ITPR1: variants seen among roughly 807,000 people sequenced by gnomAD.
ITPR1 encodes the protein inositol 1,4,5-trisphosphate receptor type 1.
ITPR1 carries 96 observed loss-of-function variants against 318.4 expected under a neutral mutation model. That is an observed-to-expected ratio of 0.30 (90% CI 0.26 to 0.36). The LOEUF is 0.36. Among genes scored for constraint, ITPR1 ranks in the 10% least tolerant of loss-of-function variants. The pLI is 1.00. For missense variants in ITPR1, 2,440 were observed against 3,460.2 expected (o/e 0.71, Z 7.40); for synonymous variants, 1,312 against 1,289.9 (o/e 1.02, Z -0.37).
At chr3:4,542,456 A>G (rs1351849758) in intron 4 of ITPR1, among the ~76,000 whole-genome samples, 1 of 152,162 alleles carries the variant, frequency 6.6e-6, no homozygotes, top group Non-Finnish European at 1.5e-5. Context: ...GAAAATTTTA[A>G]AATTTTGTTT....
rs764083385 is a variant in ITPR1 at position 4,645,701 on chromosome 3, C to A, written c.828C>A (p.Thr276=). Reference sequence around the variant, plus strand: ...GCCGGCAGTCGGCCACATCTGCCACCAGTTCAAAAGCCCTGTGGGAGGTGG... The same window carrying A: ...GCCGGCAGTCGGCCACATCTGCCACAAGTTCAAAAGCCCTGTGGGAGGTGG... ...TTGRQSATSA[T]SSKALWEVEV... is the part of the protein sequence containing the mutation. Residue 276 remains threonine, a synonymous_variant, in exon 10 of 62, where the codon ACC becomes ACA. Transcript: ENST00000649015. The A allele has an allele frequency of 6.2e-7, 1 of 1,613,380 alleles. No homozygotes were observed. The highest frequency in any genetic ancestry group is 1.7e-5 in the Admixed American group (1 of 59,980).
At chr3:4,499,723 A>G (rs866756630) in intron 2 of ITPR1, among the ~76,000 whole-genome samples, 4 of 152,280 alleles carry the variant, frequency 2.6e-5, no homozygotes, top group Non-Finnish European at 5.9e-5. Flanking sequence ...CATCAGTGCA[A>G]TGTGGTTTAA....
At chr3:4,650,693 G>A (rs1222241545) in intron 10 of ITPR1, among the ~76,000 whole-genome samples, 1 of 149,830 alleles carries the variant, frequency 6.7e-6, no homozygotes, top group Non-Finnish European at 1.5e-5. Context: ...AGTTCATTGA[G>A]TTTCTTGAAT....
chr3:4,638,237 G>A (rs1352949813), intron 5 of ITPR1, among the ~76,000 whole-genome samples: 5 of 152,202 alleles, frequency 3.3e-5, no homozygotes, highest in Non-Finnish European at 7.4e-5. Context: ...CCCTTCTGAA[G>A]AACACTCTTA....
rs1575923500 is a variant in ITPR1, at chr3:4,653,890, A to T, written c.996+4A>T. 1 of 1,604,544 alleles carries T rather than the reference A, an allele frequency of 6.2e-7. No homozygotes were observed. Among genetic ancestry groups the T allele is most frequent in the Non-Finnish European group, 8.5e-7 (1 of 1,172,470 alleles). On this transcript the variant is annotated splice_donor_region_variant and intron_variant, in intron 12 of 61. Coordinates refer to ENST00000649015, the MANE Select transcript of ITPR1 (RefSeq NM_001378452.1). Reference sequence around the variant, plus strand: ...ATGCCTGGAGTTTCAGCCCTCAGTAAGTATGGACAAGAGCCTTCTTGTCTT... The same window carrying T: ...ATGCCTGGAGTTTCAGCCCTCAGTATGTATGGACAAGAGCCTTCTTGTCTT...
intron 2 of ITPR1, among the ~76,000 whole-genome samples, chr3:4,506,866 G>C (rs1485297106): frequency 6.6e-6 from 1 of 152,192 alleles, no homozygotes. Context: ...TATGGCAGCA[G>C]TTTTCAAACT....
At chr3:4,823,973 G>A (rs1206256289) in intron 60 of ITPR1, among the ~76,000 whole-genome samples, 1 of 152,036 alleles carries the variant, frequency 6.6e-6, no homozygotes, top group Non-Finnish European at 1.5e-5. Context: ...TTATATTTTC[G>A]GAGGTGTGTT....
At position 4,744,037 on chromosome 3, in the gene ITPR1, T is replaced by C. The variant is rs889419373; in HGVS notation, c.5544+8683T>C. 3.3e-5 allele frequency among the ~76,000 whole-genome samples: 5 copies of C among 152,262 alleles called. No individual in the cohort carries two copies. The South Asian group carries it at 1.0e-3, about 32-fold the overall frequency. On this transcript the variant is annotated intron_variant, in intron 44 of 61. Coordinates refer to ENST00000649015, the MANE Select transcript of ITPR1 (RefSeq NM_001378452.1). The stretch of plus-strand genomic sequence containing the variant: ...TTTTAGTAGAGACGGGGTTTCTACA[T>C]GTTGGCCAGGCTGGTCTTGAGCTCC...
chr3:4,732,290 A>G (rs912097190), intron 42 of ITPR1, among the ~76,000 whole-genome samples: 1 of 152,184 alleles, frequency 6.6e-6, no homozygotes, highest in Non-Finnish European at 1.5e-5. Context: ...TTTTTAAAAA[A>G]TTTTATTACA....
At position 4,784,099 on chromosome 3, in the gene ITPR1, T is replaced by A. The variant is rs73003088; in HGVS notation, c.6615+179T>A. On this transcript the variant is annotated intron_variant, in intron 51 of 61. Transcript: ENST00000649015. ...TGGCCAAGACAGTCATTATTGCTGC[T>A]TGTGGTCCGGTGGGGAAGAGGACAC... is the stretch of plus-strand genomic sequence containing the variant. 0.12 allele frequency among the ~76,000 whole-genome samples: 18,648 copies of A among 152,106 alleles called. 1,232 individuals are homozygous for A. Among genetic ancestry groups the A allele is most frequent in the Non-Finnish European group, 0.16 (11,032 of 68,004 alleles).
Position 4,667,427 on chromosome 3 carries a change from T to A in ITPR1, c.1764T>A (p.Asp588Glu). 6.2e-7 allele frequency: 1 copy of A among 1,613,298 alleles called. No individual in the cohort carries two copies. The highest frequency in any genetic ancestry group is 8.5e-7 in the Non-Finnish European group (1 of 1,179,626). ...FGFMQKQIGY[D>E]VLAEDTITAL... ...TCATGCAGAAGCAGATTGGCTATGATGTGTTGGCTGAAGACACTATCACTG... is the reference window on the plus strand; with the variant it reads ...TCATGCAGAAGCAGATTGGCTATGAAGTGTTGGCTGAAGACACTATCACTG... The change falls in exon 18 of 62, where the codon GAT becomes GAA. Residue 588 changes from aspartate to glutamate, a missense_variant. Physicochemically the swap from Asp to Glu is conservative, Grantham distance 45. Coordinates refer to ENST00000649015, the MANE Select transcript of ITPR1 (RefSeq NM_001378452.1).
At chr3:4,731,000 A>G (rs1202193685) in intron 42 of ITPR1, among the ~76,000 whole-genome samples, 4 of 152,216 alleles carry the variant, frequency 2.6e-5, no homozygotes, top group Admixed American at 6.5e-5. Flanking sequence ...TCAGCTGCCA[A>G]TCACTCCTGT....
intron 4 of ITPR1, among the ~76,000 whole-genome samples, chr3:4,621,946 G>T (rs1279391319): frequency 6.6e-6 from 1 of 151,990 alleles, no homozygotes; most frequent in Non-Finnish European, 1.5e-5. Context: ...CAGCCCTAGT[G>T]CATCCATAGA....
chr3:4,755,485 C>T (rs1289908126), intron 44 of ITPR1, among the ~76,000 whole-genome samples: 2 of 151,738 alleles, frequency 1.3e-5, no homozygotes, highest in Non-Finnish European at 2.9e-5. Context: ...GCAGTCCTTC[C>T]ACCTTGGCCT....
At chr3:4,787,181 G>A (rs1471037473) in intron 51 of ITPR1, among the ~76,000 whole-genome samples, 1 of 151,962 alleles carries the variant, frequency 6.6e-6, no homozygotes, top group African/African-American at 2.4e-5. Context: ...GATAGCACCA[G>A]CCTCATGTGA....
At chr3:4,579,648 C>T (rs1046530113) in intron 4 of ITPR1, among the ~76,000 whole-genome samples, 1 of 152,156 alleles carries the variant, frequency 6.6e-6, no homozygotes, top group African/African-American at 2.4e-5. Context: ...ATCTTGCTTC[C>T]TTTCCGTAGG....
intron 30 of ITPR1, among the ~76,000 whole-genome samples, chr3:4,686,394 C>G (rs149418502): frequency 2.4e-4 from 37 of 152,312 alleles, no homozygotes; most frequent in African/African-American, 8.2e-4. Context: ...GTAGTTGATA[C>G]AGGTGTGCAT....
chr3:4,572,812 G>A (rs1447908272), intron 4 of ITPR1, among the ~76,000 whole-genome samples: 1 of 152,174 alleles, frequency 6.6e-6, no homozygotes, highest in Non-Finnish European at 1.5e-5. Flanking sequence ...GACTACTTTA[G>A]ATACCTCATA....
chr3:4,744,161 CT>C (rs2043911581), intron 44 of ITPR1, among the ~76,000 whole-genome samples: 1 of 152,172 alleles, frequency 6.6e-6, no homozygotes, highest in Non-Finnish European at 1.5e-5. Flanking sequence ...GAGGAGATGT[CT>C]TCAGAGAGAA....
Sources: allele counts gnomAD v4.1 joint callset (sites outside exome capture counted in the v4.1 genomes callset), GRCh38; gene constraint gnomAD v4.1.1; transcripts MANE v1.5; gene names NCBI Gene and HGNC (gene_info 2026-07-23, HGNC 2026-07-21).